Variants in HAUS7 observed in about 807,000 individuals in gnomAD.
The protein encoded by HAUS7 is HAUS augmin-like complex subunit 7.
HAUS7 carries 3 observed loss-of-function variants against 28.4 expected under a neutral mutation model. The ratio of observed to expected loss-of-function variants is 0.11; its 90% CI spans 0.05 to 0.27. The LOEUF is 0.27. Among genes scored for constraint, HAUS7 ranks in the 10% least tolerant of loss-of-function variants. The probability of loss-of-function intolerance (pLI) is 1.00; values close to 1 mark genes in which losing one functional copy is unlikely to be tolerated. For synonymous variants in HAUS7, 165 were observed against 132.1 expected, an observed-to-expected ratio of 1.25 and a Z score of -1.71; for missense variants, 284 against 297.3, an observed-to-expected ratio of 0.96 and a Z score of 0.33.
At position 153,478,392 on chromosome X, in the gene HAUS7, G is replaced by A. The variant is rs191738933; in HGVS notation, c.-588-7247C>T. ...GGCCCCACCCAGCAGTCCCCTCATC[G>A]AGCCCAGCCTATTTTCCACCTCATG... On this transcript the variant is annotated intron_variant, in intron 1 of 5. Coordinates refer to the HAUS7 transcript ENST00000370210. Among the ~76,000 whole-genome samples, 273 of 111,566 alleles carry A rather than the reference G, an allele frequency of 2.4e-3. 3 individuals carry two copies. The highest frequency in any genetic ancestry group is 0.023 in the Admixed American group (242 of 10,606).
At chrX:153,469,123 A>C in intron 2 of HAUS7, 23 bp downstream of exon 2, 2 of 912,911 alleles carry the variant, frequency 2.2e-6, no homozygotes, top group Non-Finnish European at 3.2e-6. Flanking sequence ...CCAGGTGGGA[A>C]GAGGAAGAAA....
At chrX:153,477,244 A>G (rs781802731) in intron 1 of HAUS7, among the ~76,000 whole-genome samples, 1 of 113,534 alleles carries the variant, frequency 8.8e-6, no homozygotes, top group East Asian at 2.8e-4. Flanking sequence ...CAGCCCAGCT[A>G]ATGGGAACCA....
At position 153,492,523 on chromosome X, in the gene HAUS7, C is replaced by T. The variant is rs1457611760; in HGVS notation, c.-589+2851G>A. ...TACAAAAACCTTCCAGGTACAAGGA[C>T]CGTATTTATATGAGTATTGCCCCCA... On this transcript the variant is annotated intron_variant, in intron 1 of 5. Coordinates refer to the HAUS7 transcript ENST00000370210. Among the ~76,000 whole-genome samples the T allele has an allele frequency of 8.0e-5, 9 of 112,106 alleles. No individual in the cohort carries two copies. In the Admixed American group the frequency reaches 8.4e-4, roughly 10 times the overall value.
intron 1 of HAUS7, among the ~76,000 whole-genome samples, chrX:153,483,797 A>C (rs909684985): frequency 1.2e-4 from 13 of 111,802 alleles, no homozygotes; most frequent in Non-Finnish European, 5.7e-5. Flanking sequence ...GCCGGCCCCC[A>C]GGAAGCTCAC....
At chrX:153,451,593 C>G (rs1374498611) in intron 9 of HAUS7, among the ~76,000 whole-genome samples, 2 of 112,059 alleles carry the variant, frequency 1.8e-5, no homozygotes, top group Non-Finnish European at 3.8e-5. Flanking sequence ...GGCTCAGAGG[C>G]TATGGACCTG....
At position 153,485,733 on chromosome X, in the gene HAUS7, G is replaced by T. The variant is rs782365086; in HGVS notation, c.-589+9641C>A. On this transcript the variant is annotated intron_variant, in intron 1 of 5. Transcript: ENST00000370210. ...AACTCCCCTCTAGGAGTTGCCAACC[G>T]TCAGCTCCCTCTGCCCCTGTGTGCC... 7.5e-6 allele frequency: 6 copies of T among 803,674 alleles called. No individual in the cohort carries two copies. The Admixed American group carries it at 4.2e-4, about 56-fold the overall frequency. 66.2% of individuals were successfully genotyped at this position (803,674 alleles called of 1,213,427 possible). A position where few individuals can be genotyped will look rare whatever the true frequency, so the allele number is the denominator to read the frequency against.
chrX:153,492,142 C>T (rs939661829), intron 1 of HAUS7, among the ~76,000 whole-genome samples: 7 of 113,281 alleles, frequency 6.2e-5, no homozygotes, highest in African/African-American at 2.2e-4. Flanking sequence ...CCCCCCGTGC[C>T]TGCCTTCCCC....
intron 3 of HAUS7, 77 bp downstream of exon 3, chrX:153,464,911 T>G (rs1350653209): frequency 1.5e-6 from 1 of 682,065 alleles, no homozygotes. Flanking sequence ...AAAGAAAACG[T>G]TGGTCCAATG....
intron 1 of HAUS7, chrX:153,486,592 T>C: frequency 1.0e-6 from 1 of 964,546 alleles, no homozygotes; most frequent in Non-Finnish European, 1.4e-6. Context: ...CTTTCCGGGG[T>C]CTTCTCTCCC....
intron 1 of HAUS7, among the ~76,000 whole-genome samples, chrX:153,484,231 G>C (rs903144581): frequency 1.8e-5 from 2 of 112,153 alleles, no homozygotes; most frequent in East Asian, 5.6e-4. Flanking sequence ...TGGGAGCGGG[G>C]CCCAGCCGGG....
chrX:153,486,576 C>T, intron 1 of HAUS7: 2 of 910,458 alleles, frequency 2.2e-6, no homozygotes, highest in Admixed American at 6.0e-5. Flanking sequence ...ATGATGCCTA[C>T]CCCGTCTTTC....
chrX:153,481,492 A>C, intron 1 of HAUS7: 10 of 756,362 alleles, frequency 1.3e-5, no homozygotes, highest in Non-Finnish European at 1.4e-5. Context: ...ACATGGGCAC[A>C]GGCACAGGCA....
chrX:153,473,762 G>A (rs1472874250), upstream of HAUS7, among the ~76,000 whole-genome samples: 1 of 112,066 alleles, frequency 8.9e-6, no homozygotes, highest in Non-Finnish European at 1.9e-5. Flanking sequence ...AAAGCCAGGG[G>A]GCTGCCTCTG....
In HAUS7 at chrX:153,490,178, C is replaced by G. The variant is rs782616746; in HGVS notation, c.-589+5196G>C. 9.7e-4 allele frequency among the ~76,000 whole-genome samples: 109 copies of G among 112,720 alleles called. 1 individual carries two copies. Among genetic ancestry groups the G allele is most frequent in the African/African-American group, 3.4e-3 (106 of 31,104 alleles). ...GTGCCCCTGGCCTCTGGCTCCCGGA[C>G]TTCGGCTTCCAAGGCAACCCATCTT... is the stretch of plus-strand genomic sequence containing the variant. On this transcript the variant is annotated intron_variant, in intron 1 of 5. Coordinates refer to the HAUS7 transcript ENST00000370210.
At chrX:153,480,687 C>T (rs1043726934) in intron 1 of HAUS7, 189 of 753,362 alleles carry the variant, frequency 2.5e-4, no homozygotes, top group Non-Finnish European at 2.9e-4. Flanking sequence ...TCAAGGAACC[C>T]CCACCCAGTC....
Position 153,482,358 on chromosome X carries a change from T to A in HAUS7, c.-588-11213A>T, listed in dbSNP as rs5987251. On this transcript the variant is annotated intron_variant, in intron 1 of 5. Transcript: ENST00000370210. ...ATGCGGCTGAAGCGGCTGAACCTGG[T>A]TGGGAACTCGCTGACCACAGTCCCG... 0.042 allele frequency: 31,969 copies of A among 754,865 alleles called. 5,171 individuals are homozygous for A. In the African/African-American group the frequency reaches 0.56, roughly 13 times the overall value. 62.2% of individuals were successfully genotyped at this position (754,865 alleles called of 1,213,427 possible).
chrX:153,478,535 G>A (rs2089577492), intron 1 of HAUS7, among the ~76,000 whole-genome samples: 1 of 112,944 alleles, frequency 8.9e-6, no homozygotes, highest in African/African-American at 3.2e-5. Context: ...GCTTCACCCA[G>A]GCAGTGCCTG....
intron 1 of HAUS7, among the ~76,000 whole-genome samples, chrX:153,469,800 C>A (rs990172389): frequency 3.6e-5 from 4 of 111,538 alleles, no homozygotes; most frequent in Non-Finnish European, 7.5e-5. Flanking sequence ...AGGAGCAACG[C>A]CTGAGACTAA....
chrX:153,486,453 G>A (rs963713789), intron 1 of HAUS7, among the ~76,000 whole-genome samples: 25 of 112,516 alleles, frequency 2.2e-4, no homozygotes, highest in African/African-American at 1.3e-4. Flanking sequence ...GAGTTGGGAG[G>A]GGGCCAGGAG....
Sources: gnomAD v4.1 joint callset for allele counts (sites outside exome capture counted in the v4.1 genomes callset) on GRCh38, gnomAD v4.1.1 for gene constraint, MANE v1.5 for transcripts, NCBI Gene and HGNC (gene_info 2026-07-23, HGNC 2026-07-21) for gene names.